EIF4E3: variants seen among roughly 807,000 people sequenced by gnomAD.
EIF4E3 encodes eukaryotic translation initiation factor 4E family member 3, also known as eukaryotic translation initiation factor 4E type 3.
EIF4E3 carries 26 observed loss-of-function variants against 31.7 expected under a neutral mutation model. The observed-to-expected ratio is 0.82, with a 90% confidence interval of 0.60 to 1.14. EIF4E3 has a LOEUF of 1.14. Ranked by LOEUF, EIF4E3 falls within the 50% of genes most tolerant of loss-of-function variation. The pLI, the probability that EIF4E3 is intolerant of heterozygous loss-of-function variation, is 0.00. For synonymous variants in EIF4E3, 128 were observed against 107.7 expected (o/e 1.19, Z -1.17); for missense variants, 304 against 270.9 (o/e 1.12, Z -0.86).
At chr3:71,722,566 C>T (rs886216083) in intron 1 of EIF4E3, among the ~76,000 whole-genome samples, 1 of 152,184 alleles carries the variant, frequency 6.6e-6, no homozygotes, top group Non-Finnish European at 1.5e-5. Context: ...CAGCCTGTAC[C>T]CCCAATCTAA....
chr3:71,730,190 C>T (rs1057301738), upstream of EIF4E3, among the ~76,000 whole-genome samples: 1 of 152,120 alleles, frequency 6.6e-6, no homozygotes, highest in African/African-American at 2.4e-5. Flanking sequence ...GGGATACTCA[C>T]GGGTCAGGGG....
In EIF4E3 at chr3:71,693,941, A is replaced by T. The variant is rs371755881; in HGVS notation, c.406T>A (p.Ser136Thr). ...WKMKVPKDST[S>T]TVWKELLLAT... ...AACAGCAACTCTTTCCAAACTGTGGACTGATATGGGAAAAGAATAAAAAAC... is the reference window on the plus strand; with the variant it reads ...AACAGCAACTCTTTCCAAACTGTGGTCTGATATGGGAAAAGAATAAAAAAC... The change falls in exon 5 of 7, where the codon TCC (serine) becomes ACC (threonine). Residue 136 changes from serine (S) to threonine (T), a missense_variant and splice_region_variant. Coordinates refer to ENST00000425534, the MANE Select transcript of EIF4E3 (RefSeq NM_001134651.2). 1.3e-5 allele frequency: 20 copies of T among 1,578,312 alleles called. No individual in the cohort carries two copies. The highest frequency in any genetic ancestry group is 3.6e-5 in the Admixed American group (2 of 55,054).
intron 6 of EIF4E3, among the ~76,000 whole-genome samples, chr3:71,686,543 A>AGAGTGTGTGTGTGTGT (rs1553659503): frequency 2.1e-5 from 3 of 143,498 alleles, no homozygotes; most frequent in Non-Finnish European, 3.1e-5. Flanking sequence ...TTTCACATTG[A>AGAGTGTGTGTGTGTGT]GTGTGTGTGT....
chr3:71,661,480 G>A, the EIF4E3 span, among the ~76,000 whole-genome samples: 2 of 152,162 alleles, frequency 1.3e-5, no homozygotes, highest in Non-Finnish European at 2.9e-5. Flanking sequence ...CTTTGTGCAA[G>A]TCATTTAGCC....
At chr3:71,673,791 G>T (rs1251579318), downstream of EIF4E3, among the ~76,000 whole-genome samples, 1 of 151,518 alleles carries the variant, frequency 6.6e-6, no homozygotes, top group Non-Finnish European at 1.5e-5. Flanking sequence ...CATCATAGCT[G>T]TTCAAGAAAT....
chr3:71,737,286 G>GA (rs1307007017), intron 1 of EIF4E3, among the ~76,000 whole-genome samples: 3 of 152,146 alleles, frequency 2.0e-5, no homozygotes, highest in Admixed American at 2.0e-4. Context: ...TTTGACTTAT[G>GA]AAAATATTCA....
At chr3:71,750,304 G>C (rs750275386) in intron 1 of EIF4E3, among the ~76,000 whole-genome samples, 11 of 152,132 alleles carry the variant, frequency 7.2e-5, no homozygotes, top group Non-Finnish European at 1.3e-4. Context: ...ATTCCAAGAG[G>C]TTAAGTGACT....
At chr3:71,719,926 ATT>A (rs2049521016) in intron 1 of EIF4E3, among the ~76,000 whole-genome samples, 1 of 151,944 alleles carries the variant, frequency 6.6e-6, no homozygotes, top group Admixed American at 6.6e-5. Flanking sequence ...AGGTGGAGGG[ATT>A]GCTTGAGCCC....
chr3:71,753,059 T>C (rs2049950677), intron 1 of EIF4E3, among the ~76,000 whole-genome samples: 1 of 152,160 alleles, frequency 6.6e-6, no homozygotes, highest in Non-Finnish European at 1.5e-5. Flanking sequence ...CAGGGGATGC[T>C]GCGGAGTCGC....
At position 71,684,580 on chromosome 3, in the gene EIF4E3, G is replaced by T; in HGVS notation, c.*102C>A. Reference sequence around the variant, plus strand: ...CAAGGACAGAAACCCACTCTAAATTGACCAGCATCGGCTTCGGCAAGTCTT... The same window carrying T: ...CAAGGACAGAAACCCACTCTAAATTTACCAGCATCGGCTTCGGCAAGTCTT... On this transcript the variant is annotated 3_prime_UTR_variant, in exon 7 of 7. Transcript: ENST00000425534. 5 of 1,423,016 alleles carry T rather than the reference G, an allele frequency of 3.5e-6. No individual in the cohort carries two copies. The highest frequency in any genetic ancestry group is 4.9e-6 in the Non-Finnish European group (5 of 1,020,360). 88.1% of individuals were successfully genotyped at this position (1,423,016 alleles called of 1,614,324 possible). A position where few individuals can be genotyped will look rare whatever the true frequency, so the allele number is the denominator to read the frequency against.
chr3:71,714,500 C>T (rs1186150321), intron 1 of EIF4E3, among the ~76,000 whole-genome samples: 2 of 152,236 alleles, frequency 1.3e-5, no homozygotes, highest in Admixed American at 1.3e-4. Context: ...ATAGTGATGT[C>T]GGAAGTACTG....
intron 1 of EIF4E3, among the ~76,000 whole-genome samples, chr3:71,738,271 A>C (rs1221045120): frequency 6.6e-6 from 1 of 152,222 alleles, no homozygotes; most frequent in Non-Finnish European, 1.5e-5. Context: ...TGCAACAGAA[A>C]AAACTGTGAT....
At chr3:71,740,135 ATATT>A (rs1012760442) in intron 1 of EIF4E3, among the ~76,000 whole-genome samples, 9 of 151,978 alleles carry the variant, frequency 5.9e-5, no homozygotes, top group African/African-American at 1.2e-4. Flanking sequence ...ATTATAAATA[ATATT>A]TAATTAATCT....
intron 6 of EIF4E3, among the ~76,000 whole-genome samples, chr3:71,687,006 G>A (rs1376087634): frequency 6.6e-6 from 1 of 151,964 alleles, no homozygotes. Context: ...ATTATTTGTT[G>A]TTGTTGTTTT....
chr3:71,666,816 G>C, the EIF4E3 span, among the ~76,000 whole-genome samples: 2 of 152,102 alleles, frequency 1.3e-5, no homozygotes, highest in African/African-American at 4.8e-5. Flanking sequence ...GCGCACACCT[G>C]TAGTCCAGGC....
At chr3:71,693,585 A>G (rs757233798) in intron 5 of EIF4E3, among the ~76,000 whole-genome samples, 2 of 152,170 alleles carry the variant, frequency 1.3e-5, no homozygotes, top group Non-Finnish European at 2.9e-5. Flanking sequence ...TTTATTTTGG[A>G]CAGATGGTTA....
intron 1 of EIF4E3, among the ~76,000 whole-genome samples, chr3:71,712,618 G>T (rs1473318288): frequency 1.8e-5 from 2 of 110,284 alleles, no homozygotes; most frequent in East Asian, 2.7e-4. Context: ...TTCCCTATGT[G>T]TGTGTGTTGC....
chr3:71,697,600 C>G (rs2049157608), intron 3 of EIF4E3, among the ~76,000 whole-genome samples: 1 of 151,998 alleles, frequency 6.6e-6, no homozygotes, highest in Non-Finnish European at 1.5e-5. Context: ...TCATTCTACT[C>G]TCTTTCTCCA....
In EIF4E3 at chr3:71,684,393, CAAAAA is replaced by C; in HGVS notation, c.*284_*288del. The C allele has an allele frequency of 5.1e-6, 1 of 196,620 alleles. No homozygotes were observed. The highest frequency in any genetic ancestry group is 9.5e-6 in the Non-Finnish European group (1 of 105,036). 12.2% of individuals were successfully genotyped at this position (196,620 alleles called of 1,614,324 possible). A position where few individuals can be genotyped will look rare whatever the true frequency, so the allele number is the denominator to read the frequency against. ...AGGCTGAATAAGGAATTTTAAACGGCAAAAAAAAAAAAAAATCAGAGTGAAAAGAA... is the reference window on the plus strand; with the variant it reads ...AGGCTGAATAAGGAATTTTAAACGGCAAAAAAAAAATCAGAGTGAAAAGAA... On this transcript the variant is annotated 3_prime_UTR_variant, in exon 7 of 7. Coordinates refer to ENST00000425534, the MANE Select transcript of EIF4E3 (RefSeq NM_001134651.2).
Sources: allele counts gnomAD v4.1 joint callset (sites outside exome capture counted in the v4.1 genomes callset), GRCh38; gene constraint gnomAD v4.1.1; transcripts MANE v1.5; gene names NCBI Gene and HGNC (gene_info 2026-07-23, HGNC 2026-07-21).